Variants in FHL2 observed in about 807,000 individuals in gnomAD.
FHL2 encodes the protein four and a half LIM domains protein 2.
Under a neutral mutation model 32.7 loss-of-function variants are expected in FHL2, and 20 were observed. The observed-to-expected ratio is 0.61, with a 90% CI of 0.43 to 0.89. The LOEUF (loss-of-function observed/expected upper bound fraction) is 0.89, where lower values mean the gene tolerates loss of function less well. Ranked by LOEUF, FHL2 falls within the 40% of genes least tolerant of loss-of-function variation. The pLI is 0.00. For missense variants in FHL2, 311 were observed against 358.6 expected (o/e 0.87, Z 1.07); for synonymous variants, 123 against 128.1 (o/e 0.96, Z 0.27).
rs1257906826 is a variant in FHL2 at position 105,367,741 on chromosome 2, TGTCATCAGG to T, written c.332-11_332-3del. 2 of 1,612,892 alleles carry T rather than the reference TGTCATCAGG, an allele frequency of 1.2e-6. No homozygotes were observed. The highest frequency in any genetic ancestry group is 2.7e-5 in the African/African-American group (2 of 74,916). ...CCTTGTACTCCATCTTGCGGGTACC[TGTCATCAGG>T]GTCAAGAGGAACACAGCAGAGTTAT... On this transcript the variant is annotated splice_region_variant and splice_polypyrimidine_tract_variant and intron_variant, in intron 4 of 6. Coordinates refer to ENST00000530340, the MANE Select transcript of FHL2 (RefSeq NM_001318895.3).
At chr2:105,400,346 C>A (rs1683418964), upstream of FHL2, among the ~76,000 whole-genome samples, 1 of 152,134 alleles carries the variant, frequency 6.6e-6, no homozygotes, top group African/African-American at 2.4e-5. Flanking sequence ...CCAGCCAGAA[C>A]TAGATGTGCG....
chr2:105,430,506 A>C (rs1684398373), intron 1 of FHL2, among the ~76,000 whole-genome samples: 1 of 152,176 alleles, frequency 6.6e-6, no homozygotes, highest in Admixed American at 6.5e-5. Flanking sequence ...GTCTCTACTA[A>C]AAATACAAAA....
chr2:105,366,066 G>A (rs1476192577), intron 5 of FHL2, among the ~76,000 whole-genome samples: 1 of 151,350 alleles, frequency 6.6e-6, no homozygotes, highest in African/African-American at 2.4e-5. Flanking sequence ...AAAACCGGCT[G>A]GGCATGGTGA....
intron 3 of FHL2, chr2:105,376,280 C>A (rs1259902862): frequency 1.3e-5 from 2 of 152,204 alleles, no homozygotes; most frequent in Non-Finnish European, 2.9e-5. Flanking sequence ...TGAACCAGCC[C>A]AGGCAAAATC....
At chr2:105,402,793 C>A (rs550281640), upstream of FHL2, among the ~76,000 whole-genome samples, 130 of 152,322 alleles carry the variant, frequency 8.5e-4, no homozygotes, top group African/African-American at 3.0e-3. Context: ...CCATCTTGTA[C>A]ATCATTATAT....
intron 3 of FHL2, chr2:105,376,792 C>T (rs1480911846): frequency 6.6e-6 from 1 of 152,190 alleles, no homozygotes; most frequent in East Asian, 1.9e-4. Context: ...AAGGGGTAAA[C>T]AAAATGTGGT....
chr2:105,388,655 T>C lies in FHL2; in HGVS notation c.-24-2115A>G, dbSNP rs923914675. On this transcript the variant is annotated intron_variant, in intron 2 of 6. Coordinates refer to ENST00000530340, the MANE Select transcript of FHL2 (RefSeq NM_001318895.3). ...CTGGCCAACATGGTGAAACCCTGTCTCTACTAAAAATACAAAAAAAAAAAA... is the reference window on the plus strand; with the variant it reads ...CTGGCCAACATGGTGAAACCCTGTCCCTACTAAAAATACAAAAAAAAAAAA... 2.4e-4 allele frequency among the ~76,000 whole-genome samples: 35 copies of C among 144,528 alleles called. 2 individuals are homozygous for C. Among genetic ancestry groups the C allele is most frequent in the Admixed American group, 2.3e-3 (33 of 14,264 alleles). The allele number at this position is 144,528 out of a possible 152,430, so 94.8% of individuals were successfully genotyped here. A position where few individuals can be genotyped will look rare whatever the true frequency, so the allele number is the denominator to read the frequency against.
intron 3 of FHL2, among the ~76,000 whole-genome samples, chr2:105,381,560 C>T (rs1681887913): frequency 6.6e-6 from 1 of 152,122 alleles, no homozygotes; most frequent in African/African-American, 2.4e-5. Flanking sequence ...TGTGGCTGAA[C>T]TTTTGGTTTT....
At chr2:105,418,037 C>T (rs889950485) in intron 1 of FHL2, among the ~76,000 whole-genome samples, 1 of 152,084 alleles carries the variant, frequency 6.6e-6, no homozygotes, top group Non-Finnish European at 1.5e-5. Context: ...GGTATAGGGA[C>T]CACACATTGA....
chr2:105,379,968 T>A (rs1681759073), intron 3 of FHL2, among the ~76,000 whole-genome samples: 2 of 152,230 alleles, frequency 1.3e-5, no homozygotes, highest in African/African-American at 4.8e-5. Context: ...GGGGTTTCCC[T>A]GTCACTCTCT....
intron 3 of FHL2, among the ~76,000 whole-genome samples, chr2:105,384,982 T>C (rs1174784346): frequency 6.6e-6 from 1 of 152,216 alleles, no homozygotes. Context: ...AGTCGTCAGG[T>C]GCAGTGAGAC....
At chr2:105,420,949 G>A (rs1684085464) in intron 1 of FHL2, among the ~76,000 whole-genome samples, 1 of 152,162 alleles carries the variant, frequency 6.6e-6, no homozygotes, top group African/African-American at 2.4e-5. Context: ...CTATGGCCTG[G>A]GGACTGGGGA....
intron 1 of FHL2, among the ~76,000 whole-genome samples, chr2:105,422,104 T>G (rs929062564): frequency 1.3e-5 from 2 of 152,212 alleles, no homozygotes; most frequent in African/African-American, 4.8e-5. Context: ...ACACCATGCA[T>G]GTCCAGCAGC....
At chr2:105,367,260 A>G (rs1274490856) in intron 5 of FHL2, among the ~76,000 whole-genome samples, 1 of 152,202 alleles carries the variant, frequency 6.6e-6, no homozygotes, top group African/African-American at 2.4e-5. Flanking sequence ...TGAACAAGAC[A>G]GCTTTGGGAT....
intron 1 of FHL2, among the ~76,000 whole-genome samples, chr2:105,434,434 G>A (rs1252254748): frequency 6.6e-6 from 1 of 152,124 alleles, no homozygotes; most frequent in African/African-American, 2.4e-5. Context: ...TAGCAGTGGT[G>A]GCCTATGCCT....
upstream of FHL2, chr2:105,399,327 C>G (rs1240055574): frequency 7.2e-6 from 11 of 1,535,806 alleles, no homozygotes; most frequent in Admixed American, 3.9e-5. Flanking sequence ...GAGTTTCGGA[C>G]GAGGCCTGGG....
intron 1 of FHL2, among the ~76,000 whole-genome samples, chr2:105,427,465 G>C (rs1558734366): frequency 6.6e-6 from 1 of 152,126 alleles, no homozygotes. Context: ...CATGTGGAGA[G>C]GGCAGCAGAA....
intron 3 of FHL2, among the ~76,000 whole-genome samples, chr2:105,379,471 TTTC>T (rs1157864739): frequency 6.6e-6 from 1 of 152,240 alleles, no homozygotes; most frequent in Non-Finnish European, 1.5e-5. Context: ...TAAAATTCTT[TTTC>T]TTAATTCTTC....
chr2:105,408,597 C>T (rs1191769729), intron 1 of FHL2, among the ~76,000 whole-genome samples: 3 of 152,206 alleles, frequency 2.0e-5, no homozygotes, highest in African/African-American at 4.8e-5. Flanking sequence ...ACAACTGGCA[C>T]GTGGATGCAG....
Sources: gnomAD v4.1 joint callset for allele counts (sites outside exome capture counted in the v4.1 genomes callset) on GRCh38, gnomAD v4.1.1 for gene constraint, MANE v1.5 for transcripts, NCBI Gene and HGNC (gene_info 2026-07-23, HGNC 2026-07-21) for gene names.